Variants in ARHGEF7 observed in about 807,000 individuals in gnomAD.
ARHGEF7 encodes the protein PAK-interacting exchange factor beta.
Under a neutral mutation model 109.8 loss-of-function variants are expected in ARHGEF7, and 33 were observed. The ratio of observed to expected loss-of-function variants is 0.30; its 90% CI spans 0.23 to 0.40. The LOEUF is 0.40. Ranked by LOEUF, ARHGEF7 falls within the 10% of genes least tolerant of loss-of-function variation. The pLI is 1.00. For missense variants in ARHGEF7, 938 were observed against 1,098.5 expected (o/e 0.85, Z 2.07); for synonymous variants, 458 against 424.6 (o/e 1.08, Z -0.97).
chr13:111,193,530 C>T (rs1466480753), intron 2 of ARHGEF7, among the ~76,000 whole-genome samples: 1 of 152,228 alleles, frequency 6.6e-6, no homozygotes, highest in Non-Finnish European at 1.5e-5. Context: ...TTAGGAACTC[C>T]CTTTCTTTCC....
chr13:111,178,289 A>G (rs2078368077), intron 2 of ARHGEF7, among the ~76,000 whole-genome samples: 1 of 152,154 alleles, frequency 6.6e-6, no homozygotes, highest in Non-Finnish European at 1.5e-5. Context: ...TAATTACAAA[A>G]ACACAAAACC....
At chr13:111,193,909 C>T (rs1317784705) in intron 2 of ARHGEF7, among the ~76,000 whole-genome samples, 1 of 152,150 alleles carries the variant, frequency 6.6e-6, no homozygotes, top group Non-Finnish European at 1.5e-5. Flanking sequence ...GAGGGCCACG[C>T]ATGTACATAT....
At chr13:111,121,630 A>G (rs2067208110) in intron 1 of ARHGEF7, among the ~76,000 whole-genome samples, 1 of 152,184 alleles carries the variant, frequency 6.6e-6, no homozygotes, top group African/African-American at 2.4e-5. Flanking sequence ...TGGCAGAGGC[A>G]CATCATCCCT....
intron 2 of ARHGEF7, among the ~76,000 whole-genome samples, chr13:111,171,606 G>A (rs1178759899): frequency 6.6e-6 from 1 of 152,200 alleles, no homozygotes; most frequent in African/African-American, 2.4e-5. Flanking sequence ...TTATGTGATG[G>A]AGTAAACATC....
chr13:111,240,490 C>T (rs1017223105), intron 6 of ARHGEF7, among the ~76,000 whole-genome samples: 3 of 152,128 alleles, frequency 2.0e-5, no homozygotes, highest in South Asian at 2.1e-4. Flanking sequence ...CATTGTGACC[C>T]GTAGAGGAGC....
chr13:111,244,063 A>G, intron 7 of ARHGEF7, 97 bp downstream of exon 7: 1 of 1,263,876 alleles, frequency 7.9e-7, no homozygotes, highest in Non-Finnish European at 1.1e-6. Context: ...TAGTGAAACA[A>G]AATTTAGTGT....
At chr13:111,186,517 A>C (rs1236798018) in intron 2 of ARHGEF7, among the ~76,000 whole-genome samples, 1 of 152,180 alleles carries the variant, frequency 6.6e-6, no homozygotes, top group Non-Finnish European at 1.5e-5. Context: ...CAGGAAGTGA[A>C]AACGTACTGC....
intron 8 of ARHGEF7, among the ~76,000 whole-genome samples, chr13:111,267,040 A>G (rs1367593216): frequency 6.6e-6 from 1 of 152,104 alleles, no homozygotes; most frequent in Non-Finnish European, 1.5e-5. Flanking sequence ...TCATGAGTTT[A>G]TGCTTCTTGG....
chr13:111,203,990 A>C (rs574101832), intron 2 of ARHGEF7, among the ~76,000 whole-genome samples: 6 of 152,064 alleles, frequency 3.9e-5, no homozygotes, highest in Non-Finnish European at 7.4e-5. Flanking sequence ...ACAATCTGCC[A>C]CTGCAGATTT....
At chr13:111,116,424 A>C (rs2066787442) in intron 1 of ARHGEF7, 1 of 152,566 alleles carries the variant, frequency 6.6e-6, no homozygotes, top group South Asian at 2.1e-4. Flanking sequence ...CCTGACCCGA[A>C]TCTCTGGAAG....
At chr13:111,187,100 C>T (rs529808989) in intron 2 of ARHGEF7, 5 of 802,678 alleles carry the variant, frequency 6.2e-6, no homozygotes, top group Admixed American at 6.2e-5. Flanking sequence ...TGTCCTTTTG[C>T]GTGCATTTGT....
At chr13:111,276,530 C>T (rs1312305973) in intron 12 of ARHGEF7, among the ~76,000 whole-genome samples, 2 of 152,086 alleles carry the variant, frequency 1.3e-5, no homozygotes, top group African/African-American at 2.4e-5. Context: ...GAAACATTTC[C>T]CAAAGTGTGT....
chr13:111,241,659 C>T (rs976162161), intron 6 of ARHGEF7, among the ~76,000 whole-genome samples: 5 of 152,166 alleles, frequency 3.3e-5, no homozygotes, highest in African/African-American at 9.7e-5. Flanking sequence ...AGTGCTGTGA[C>T]GGACAAAAGG....
intron 1 of ARHGEF7, among the ~76,000 whole-genome samples, chr13:111,116,127 C>A (rs1255292941): frequency 6.6e-6 from 1 of 151,076 alleles, no homozygotes; most frequent in African/African-American, 2.4e-5. Flanking sequence ...GCGTGAGTTT[C>A]GCCTCCCAGG....
intron 2 of ARHGEF7, among the ~76,000 whole-genome samples, chr13:111,188,025 T>G (rs535339899): frequency 2.0e-5 from 3 of 152,358 alleles, no homozygotes; most frequent in East Asian, 3.9e-4. Flanking sequence ...TCATTTCTTA[T>G]GAACCGAGCA....
intron 5 of ARHGEF7, among the ~76,000 whole-genome samples, chr13:111,224,011 C>T (rs2084836207): frequency 6.6e-6 from 1 of 152,096 alleles, no homozygotes; most frequent in Admixed American, 6.6e-5. Flanking sequence ...TGCCCGCCAC[C>T]ACGCCCGGCT....
At chr13:111,248,364 A>T (rs539982010) in intron 8 of ARHGEF7, among the ~76,000 whole-genome samples, 2 of 152,074 alleles carry the variant, frequency 1.3e-5, no homozygotes, top group East Asian at 3.9e-4. Flanking sequence ...TTTGACGGTG[A>T]TTATCTCGGG....
intron 11 of ARHGEF7, among the ~76,000 whole-genome samples, chr13:111,275,070 T>C (rs41275142): frequency 0.035 from 5,275 of 152,330 alleles, 130 homozygotes; most frequent in Non-Finnish European, 0.055. Flanking sequence ...TAATGATTTA[T>C]TGCAAAACAG....
chr13:111,299,903 T>C (rs961756013), intron 19 of ARHGEF7, among the ~76,000 whole-genome samples: 3 of 152,220 alleles, frequency 2.0e-5, no homozygotes, highest in African/African-American at 7.2e-5. Flanking sequence ...TGTTCTGTGA[T>C]AGATTATAGC....
Sources: allele counts gnomAD v4.1 joint callset (sites outside exome capture counted in the v4.1 genomes callset), GRCh38; gene constraint gnomAD v4.1.1; transcripts MANE v1.5; gene names NCBI Gene and HGNC (gene_info 2026-07-23, HGNC 2026-07-21).